PCDHGB4: variants seen among roughly 807,000 people sequenced by gnomAD.
The protein encoded by PCDHGB4 is protocadherin gamma-B4.
A neutral mutation model predicts 60.5 loss-of-function variants in PCDHGB4; 38 were observed. The observed-to-expected ratio is 0.63, with a 90% CI of 0.48 to 0.82. PCDHGB4 has a LOEUF of 0.82. Among genes scored for constraint, PCDHGB4 ranks in the 40% least tolerant of loss-of-function variants. The pLI is 0.00. For missense variants in PCDHGB4, 1,109 were observed against 1,209.6 expected (o/e 0.92, Z 1.23); for synonymous variants, 456 against 509.7 (o/e 0.89, Z 1.42).
At chr5:141,410,419 T>TC (rs769125626) in intron 1 of PCDHGB4, 49 of 1,613,886 alleles carry the variant, frequency 3.0e-5, no homozygotes, top group Non-Finnish European at 3.6e-5. Context: ...GACCTGTAGT[T>TC]CCCCCCAACT....
At chr5:141,510,139 G>T (rs931012964) in intron 3 of PCDHGB4, among the ~76,000 whole-genome samples, 1 of 152,136 alleles carries the variant, frequency 6.6e-6, no homozygotes, top group Non-Finnish European at 1.5e-5. Context: ...CTGGGCTAGT[G>T]GTGTGCACCT....
chr5:141,483,814 C>A (rs1262593892), intron 1 of PCDHGB4, among the ~76,000 whole-genome samples: 4 of 151,994 alleles, frequency 2.6e-5, no homozygotes, highest in African/African-American at 9.7e-5. Flanking sequence ...TTTTTGGCAG[C>A]CAGTGTAACC....
intron 3 of PCDHGB4, among the ~76,000 whole-genome samples, chr5:141,510,566 A>G (rs2154594633): frequency 6.6e-6 from 1 of 152,288 alleles, no homozygotes; most frequent in South Asian, 2.1e-4. Flanking sequence ...TACATCTACC[A>G]GGCACTATTT....
intron 1 of PCDHGB4, chr5:141,413,820 C>G (rs967941133): frequency 5.6e-6 from 9 of 1,613,086 alleles, no homozygotes; most frequent in South Asian, 1.1e-5. Flanking sequence ...ACCACCTGGT[C>G]CTCACCGCCT....
chr5:141,403,592 G>A (rs779516418), intron 1 of PCDHGB4: 1 of 1,613,850 alleles, frequency 6.2e-7, no homozygotes, highest in Non-Finnish European at 8.5e-7. Flanking sequence ...GGTCCTCACG[G>A]CCTCGGATGG....
chr5:141,478,870 GT>G, intron 1 of PCDHGB4: 1 of 1,273,360 alleles, frequency 7.9e-7, no homozygotes, highest in Non-Finnish European at 1.0e-6. Context: ...AGCGATCAGA[GT>G]TTAGCTTGGT....
chr5:141,427,355 C>A (rs765449381), intron 1 of PCDHGB4: 9 of 457,430 alleles, frequency 2.0e-5, no homozygotes, highest in Non-Finnish European at 3.5e-5. Context: ...TAACTGAGGA[C>A]GCAGAACCCT....
chr5:141,465,348 A>G (rs886810999), intron 1 of PCDHGB4, among the ~76,000 whole-genome samples: 2 of 152,158 alleles, frequency 1.3e-5, no homozygotes, highest in African/African-American at 4.8e-5. Flanking sequence ...GTTACTGAAG[A>G]AAAAATGGGT....
intron 1 of PCDHGB4, among the ~76,000 whole-genome samples, chr5:141,488,534 A>C (rs1169478867): frequency 1.3e-5 from 2 of 152,292 alleles, no homozygotes; most frequent in East Asian, 3.9e-4. Flanking sequence ...AGAAAAGCTA[A>C]GTCCCATGTC....
chr5:141,449,160 T>G (rs6867451), intron 1 of PCDHGB4, among the ~76,000 whole-genome samples: 8,161 of 152,140 alleles, frequency 0.054, 458 homozygotes, highest in African/African-American at 0.15. Context: ...AAAGAGGAAA[T>G]AGGTGTAATT....
At chr5:141,425,860 A>G (rs1445251215) in intron 1 of PCDHGB4, among the ~76,000 whole-genome samples, 1 of 152,248 alleles carries the variant, frequency 6.6e-6, no homozygotes, top group Non-Finnish European at 1.5e-5. Context: ...TGACTGTTCT[A>G]TAGATTCCCA....
At chr5:141,428,055 G>T in intron 1 of PCDHGB4, 1 of 1,609,070 alleles carries the variant, frequency 6.2e-7, no homozygotes, top group Non-Finnish European at 8.5e-7. Context: ...CAAGGTGGTG[G>T]CGGTGGACGC....
intron 1 of PCDHGB4, among the ~76,000 whole-genome samples, chr5:141,454,773 G>A (rs1272535268): frequency 6.9e-6 from 1 of 144,540 alleles, no homozygotes; most frequent in East Asian, 2.0e-4. Flanking sequence ...TTTTTTACAA[G>A]GAAATAATCC....
chr5:141,485,607 C>T lies in PCDHGB4; in HGVS notation c.2398-9200C>T. On this transcript the variant is annotated intron_variant, in intron 1 of 3. Coordinates refer to ENST00000519479, the MANE Select transcript of PCDHGB4 (RefSeq NM_003736.4). The surrounding 1 kb of genome is among the most constrained non-coding windows in gnomAD (Gnocchi z 5.7). ...CAGCTGGACTTGGAAATTGGGGAGG[C>T]AGCTCCTCCAGGACAGCGTTTCCCG... is the stretch of plus-strand genomic sequence containing the variant. 1 of 1,612,008 alleles carries T rather than the reference C, an allele frequency of 6.2e-7. No individual in the cohort carries two copies. The highest frequency in any genetic ancestry group is 8.5e-7 in the Non-Finnish European group (1 of 1,178,534).
At chr5:141,462,019 C>T (rs1276421563) in intron 1 of PCDHGB4, among the ~76,000 whole-genome samples, 6 of 152,178 alleles carry the variant, frequency 3.9e-5, no homozygotes, top group Non-Finnish European at 8.8e-5. Flanking sequence ...GACGGGGTTT[C>T]TTCATGTTGG....
intron 1 of PCDHGB4, chr5:141,414,350 C>G (rs1450829111): frequency 6.2e-7 from 1 of 1,613,726 alleles, no homozygotes; most frequent in East Asian, 2.2e-5. Context: ...TCCATTTTGG[C>G]GTATCTACCA....
At chr5:141,468,330 C>CAAAAAAAAAAAA (rs533390277) in intron 1 of PCDHGB4, 1 of 79,864 alleles carries the variant, frequency 1.3e-5, no homozygotes, top group African/African-American at 3.9e-5. Context: ...AACTCCATCT[C>CAAAAAAAAAAAA]AAAAAAAAAA....
intron 1 of PCDHGB4, chr5:141,441,802 T>C (rs2098274220): frequency 2.6e-6 from 1 of 382,538 alleles, no homozygotes; most frequent in South Asian, 2.1e-5. Flanking sequence ...GCACCGCGGG[T>C]GCTGTACCCC....
intron 1 of PCDHGB4, chr5:141,409,322 C>A (rs1161029892): frequency 6.2e-7 from 1 of 1,613,988 alleles, no homozygotes; most frequent in Non-Finnish European, 8.5e-7. Flanking sequence ...AACACGGGAT[C>A]TGGATTTCGG....
Sources: allele counts gnomAD v4.1 joint callset (sites outside exome capture counted in the v4.1 genomes callset), GRCh38; gene constraint gnomAD v4.1.1; non-coding constraint Gnocchi (gnomAD v3.1); transcripts MANE v1.5; gene names NCBI Gene and HGNC (gene_info 2026-07-23, HGNC 2026-07-21).